The following ACO1 variants were observed in gnomAD, a reference collection of about 807,000 sequenced individuals.
ACO1 encodes the protein aconitase 1, also known as cytoplasmic aconitate hydratase.
A neutral mutation model predicts 105.1 loss-of-function variants in ACO1; 78 were observed. That is an observed-to-expected ratio of 0.74 (90% CI 0.62 to 0.90). The LOEUF (loss-of-function observed/expected upper bound fraction) is 0.90. ACO1 is among the 40% of genes least tolerant of loss of function. The probability of loss-of-function intolerance (pLI) is 0.00; values close to 1 mark genes in which losing one functional copy is unlikely to be tolerated. For synonymous variants in ACO1, 364 were observed against 397.4 expected (o/e 0.92, Z 1.00); for missense variants, 965 against 1,111.1 (o/e 0.87, Z 1.87).
intron 16 of ACO1, 95 bp from the exon 17 acceptor site, chr9:32,434,464 C>G: frequency 6.9e-7 from 1 of 1,449,462 alleles, no homozygotes; most frequent in South Asian, 1.2e-5. Context: ...GAACTGTCCT[C>G]TGATTCAGGT....
At chr9:32,409,456 T>TG (rs1821686384) in intron 4 of ACO1, among the ~76,000 whole-genome samples, 1 of 152,190 alleles carries the variant, frequency 6.6e-6, no homozygotes, top group Non-Finnish European at 1.5e-5. Context: ...CACCTTTAGG[T>TG]GGGGAAAAAC....
At chr9:32,387,755 G>A (rs1417226107) in intron 1 of ACO1, among the ~76,000 whole-genome samples, 4 of 152,190 alleles carry the variant, frequency 2.6e-5, no homozygotes, top group East Asian at 1.9e-4. Context: ...GTTGAAGCAC[G>A]AAAGCGGCAA....
chr9:32,416,589 C>A (rs1228784295), intron 4 of ACO1, among the ~76,000 whole-genome samples: 4 of 152,182 alleles, frequency 2.6e-5, no homozygotes, highest in Admixed American at 1.3e-4. Context: ...TGCTCCCGTA[C>A]CAGGCAGTGA....
At chr9:32,442,245 G>A (rs1009854517) in intron 19 of ACO1, among the ~76,000 whole-genome samples, 3 of 151,892 alleles carry the variant, frequency 2.0e-5, no homozygotes, top group African/African-American at 4.8e-5. Context: ...TATAGTTCAC[G>A]GTTCTCAAAA....
At chr9:32,408,383 A>G in intron 3 of ACO1, 131 bp from the exon 4 acceptor site, 1 of 1,013,912 alleles carries the variant, frequency 9.9e-7, no homozygotes, top group Middle Eastern at 2.4e-4. Flanking sequence ...TCACTTTTCT[A>G]AGTCTCACCC....
In ACO1 at chr9:32,449,048, A is replaced by T. The variant is rs1345226309; in HGVS notation, c.2523A>T (p.Glu841Asp). 2 of 1,609,726 alleles carry T rather than the reference A, an allele frequency of 1.2e-6. No homozygotes were observed. Among genetic ancestry groups the T allele is most frequent in the Admixed American group, 3.4e-5 (2 of 59,694 alleles). Residue 841 changes from glutamate (E) to aspartate (D), a missense_variant, in exon 20 of 21, where the codon GAA (glutamate) becomes GAT (aspartate). Coordinates refer to ENST00000309951, the MANE Select transcript of ACO1 (RefSeq NM_002197.3). ...AACGATACACTATCATTATTCCAGA[A>T]AACCTCAAACCACAAATGAAAGTCC... is the stretch of plus-strand genomic sequence containing the variant. Reference protein sequence around the residue: ...GQERYTIIIPENLKPQMKVQV... With the variant: ...GQERYTIIIPDNLKPQMKVQV...
intron 7 of ACO1, 68 bp downstream of exon 7, chr9:32,419,245 C>T (rs1821919153): frequency 9.1e-6 from 13 of 1,430,628 alleles, no homozygotes; most frequent in Non-Finnish European, 1.0e-5. Flanking sequence ...GGAGGGAATA[C>T]ATAATGGAAT....
chr9:32,442,010 A>C (rs928114401), intron 19 of ACO1, among the ~76,000 whole-genome samples: 9 of 152,148 alleles, frequency 5.9e-5, no homozygotes, highest in African/African-American at 2.2e-4. Flanking sequence ...CTAAAACCCT[A>C]GAAAAGATCT....
intron 1 of ACO1, among the ~76,000 whole-genome samples, chr9:32,395,422 G>A (rs1412144581): frequency 6.6e-6 from 1 of 152,216 alleles, no homozygotes; most frequent in Non-Finnish European, 1.5e-5. Context: ...GTTGCAGTGA[G>A]CCGAGATTAC....
Position 32,452,549 on chromosome 9 carries a change from G to C in ACO1, c.*2438G>C, listed in dbSNP as rs1299536271. ...ATTTCTATTGTTTATAAGCCACCCA[G>C]TTGATATTTAGTTACAGCAGCCCAA... On this transcript the variant is annotated 3_prime_UTR_variant, in exon 21 of 21. Coordinates refer to ENST00000309951, the MANE Select transcript of ACO1 (RefSeq NM_002197.3). 6.6e-6 allele frequency: 1 copy of C among 152,196 alleles called. No individual in the cohort carries two copies. The highest frequency in any genetic ancestry group is 2.4e-5 in the African/African-American group (1 of 41,430). The allele number at this position is 152,196 out of a possible 1,614,324, so 9.4% of individuals were successfully genotyped here.
Position 32,449,999 on chromosome 9 carries a change from TG to T in ACO1, c.2560del (p.Asp854IlefsTer10). On this transcript the variant is annotated frameshift_variant and splice_region_variant, in exon 21 of 21. Coordinates refer to ENST00000309951, the MANE Select transcript of ACO1 (RefSeq NM_002197.3). LOFTEE classifies it high-confidence loss of function. Reference sequence around the variant, plus strand: ...TGCTTCTGTTTCTTTGTGCCACAGCTGGATACTGGCAAGACCTTCCAGGCTG... The same window carrying T: ...TGCTTCTGTTTCTTTGTGCCACAGCTGATACTGGCAAGACCTTCCAGGCTG... ...LKPQMKVQVK[L>X]DTGKTFQAVM... The T allele has an allele frequency of 6.2e-7, 1 of 1,613,380 alleles. No individual in the cohort carries two copies. Among genetic ancestry groups the T allele is most frequent in the Non-Finnish European group, 8.5e-7 (1 of 1,179,426 alleles).
chr9:32,423,582 A>G lies in ACO1; in HGVS notation c.1071+163A>G, dbSNP rs1021070874. ...GTTGAAAAACCAAAAGGATAAGGCA[A>G]TTGTAAACATAACAGAATAATATAA... On this transcript the variant is annotated intron_variant, in intron 9 of 20. Coordinates refer to ENST00000309951, the MANE Select transcript of ACO1 (RefSeq NM_002197.3). Among the ~76,000 whole-genome samples, 12 of 152,358 alleles carry G rather than the reference A, an allele frequency of 7.9e-5. No individual in the cohort carries two copies. The East Asian group carries it at 1.9e-3, about 24-fold the overall frequency.
intron 1 of ACO1, among the ~76,000 whole-genome samples, chr9:32,402,402 T>C (rs1821517289): frequency 6.6e-6 from 1 of 152,214 alleles, no homozygotes; most frequent in African/African-American, 2.4e-5. Flanking sequence ...TCCTATCTTT[T>C]ATTGTTGAAT....
intron 19 of ACO1, among the ~76,000 whole-genome samples, chr9:32,441,025 A>C (rs1822468670): frequency 6.6e-6 from 1 of 152,342 alleles, no homozygotes; most frequent in African/African-American, 2.4e-5. Context: ...GTTTCACAGA[A>C]GAGAAAAGGA....
chr9:32,419,066 C>A lies in ACO1; in HGVS notation c.687C>A (p.Val229=), dbSNP rs903043854. The change falls in exon 7 of 21, where the codon GTC becomes GTA. Residue 229 remains valine (V), a synonymous_variant. Transcript: ENST00000309951. ...TCGGTGGTATTGAAGCAGAAGCTGT[C>A]ATGCTGGGTCAGCCAATCAGTATGG... ...WGVGGIEAEA[V]MLGQPISMVL... The A allele has an allele frequency of 2.5e-6, 4 of 1,606,930 alleles. No individual in the cohort carries two copies.
chr9:32,417,501 A>C (rs1821876227), intron 4 of ACO1, among the ~76,000 whole-genome samples: 1 of 152,192 alleles, frequency 6.6e-6, no homozygotes, highest in Non-Finnish European at 1.5e-5. Context: ...TTGATTTTTA[A>C]AATCCTAGAA....
intron 10 of ACO1, 102 bp downstream of exon 10, chr9:32,424,767 C>T: frequency 2.5e-6 from 2 of 790,030 alleles, no homozygotes; most frequent in Admixed American, 2.3e-5. Context: ...CTTCCTGTAG[C>T]CTGAAGCTTG....
At chr9:32,392,020 AT>A (rs1821277523) in intron 1 of ACO1, among the ~76,000 whole-genome samples, 1 of 152,200 alleles carries the variant, frequency 6.6e-6, no homozygotes, top group Admixed American at 6.5e-5. Context: ...ACATCAACCC[AT>A]TCTTTAAAAG....
chr9:32,425,678 T>C (rs3780474), intron 10 of ACO1, among the ~76,000 whole-genome samples, 160 bp from the exon 11 acceptor site: 3 of 151,984 alleles, frequency 2.0e-5, no homozygotes, highest in Non-Finnish European at 4.4e-5. Context: ...GAGATACTTA[T>C]GCTTTTGTTA....
Sources: gnomAD v4.1 joint callset for allele counts (sites outside exome capture counted in the v4.1 genomes callset) on GRCh38, gnomAD v4.1.1 for gene constraint, MANE v1.5 for transcripts, NCBI Gene and HGNC (gene_info 2026-07-23, HGNC 2026-07-21) for gene names.